KIF26B: variants seen among roughly 807,000 people sequenced by gnomAD.
KIF26B encodes the protein kinesin family member 26B, also known as kinesin-like protein KIF26B.
In KIF26B, 63 loss-of-function variants were observed where a neutral mutation model predicts 151.2. That is an observed-to-expected ratio of 0.42 (90% confidence interval 0.34 to 0.51). The LOEUF is 0.51. Among genes scored for constraint, KIF26B ranks in the 20% least tolerant of loss-of-function variants. KIF26B has a pLI of 0.07. For synonymous variants in KIF26B, 1,357 were observed against 1,262.1 expected (o/e 1.08, Z -1.59); for missense variants, 2,813 against 2,913.6 (o/e 0.97, Z 0.79).
At chr1:245,190,953 G>GGAGGCT (rs914163970) in intron 2 of KIF26B, among the ~76,000 whole-genome samples, 1 of 150,728 alleles carries the variant, frequency 6.6e-6, no homozygotes, top group Non-Finnish European at 1.5e-5. Flanking sequence ...CAGCTACTCG[G>GGAGGCT]GAGGCTGAGG....
intron 5 of KIF26B, among the ~76,000 whole-genome samples, chr1:245,593,955 C>T (rs980770306): frequency 6.6e-6 from 1 of 152,174 alleles, no homozygotes; most frequent in Non-Finnish European, 1.5e-5. Flanking sequence ...TGTTTGTTGG[C>T]CACATAAATG....
chr1:245,513,378 A>G (rs1460698467), intron 4 of KIF26B, among the ~76,000 whole-genome samples: 2 of 152,202 alleles, frequency 1.3e-5, no homozygotes, highest in African/African-American at 4.8e-5. Flanking sequence ...AATTAAAAAA[A>G]AATACTAGAG....
chr1:245,312,891 G>A (rs571626183), intron 2 of KIF26B, among the ~76,000 whole-genome samples: 13 of 152,296 alleles, frequency 8.5e-5, no homozygotes, highest in African/African-American at 2.2e-4. Context: ...GCCGGGCGCC[G>A]TGGCTCAGGA....
At chr1:245,587,639 T>C (rs1246926697) in intron 5 of KIF26B, among the ~76,000 whole-genome samples, 2 of 152,302 alleles carry the variant, frequency 1.3e-5, no homozygotes, top group Non-Finnish European at 2.9e-5. Context: ...TTGAGTGCTT[T>C]GGAAATACAA....
chr1:245,503,736 G>T (rs969240447), intron 4 of KIF26B, among the ~76,000 whole-genome samples: 2 of 152,234 alleles, frequency 1.3e-5, no homozygotes, highest in African/African-American at 2.4e-5. Flanking sequence ...TGGACTTGGA[G>T]CTAGAACTTG....
intron 3 of KIF26B, among the ~76,000 whole-genome samples, chr1:245,400,911 CA>C (rs946188807): frequency 2.0e-5 from 3 of 151,286 alleles, no homozygotes; most frequent in African/African-American, 7.3e-5. Context: ...AAAAAAAGAC[CA>C]AAAAAAACCC....
intron 10 of KIF26B, 68 bp downstream of exon 10, chr1:245,646,348 A>G: frequency 3.3e-6 from 5 of 1,532,162 alleles, no homozygotes; most frequent in Non-Finnish European, 4.4e-6. Context: ...GTTCAGTGCC[A>G]TCTGTGGAGA....
At chr1:245,305,536 C>T (rs747454514) in intron 2 of KIF26B, among the ~76,000 whole-genome samples, 44 of 152,136 alleles carry the variant, frequency 2.9e-4, no homozygotes, top group Non-Finnish European at 6.0e-4. Flanking sequence ...GTCAAAACTA[C>T]AATGAGATAC....
rs376590964 is a variant in KIF26B at position 245,367,013 on chromosome 1, C to T, written c.645C>T (p.Asp215=). ...LEQAAGSEHY[D]ASPCSPPPLS... is the part of the protein sequence containing the mutation. Reference sequence around the variant, plus strand: ...AGGCAGCCGGCAGTGAGCACTACGACGCCTCGCCCTGCTCCCCGCCACCGC... The same window carrying T: ...AGGCAGCCGGCAGTGAGCACTACGATGCCTCGCCCTGCTCCCCGCCACCGC... Residue 215 remains aspartate, a synonymous_variant, in exon 3 of 15, where the codon GAC becomes GAT. Coordinates refer to ENST00000407071, the MANE Select transcript of KIF26B (RefSeq NM_018012.4). The surrounding 1 kb of genome is among the most constrained non-coding windows in gnomAD (Gnocchi z 4.2). 3.8e-5 allele frequency: 61 copies of T among 1,612,562 alleles called. No individual in the cohort carries two copies. Among genetic ancestry groups the T allele is most frequent in the South Asian group, 8.8e-5 (8 of 90,850 alleles).
At chr1:245,177,995 G>A (rs977964340) in intron 2 of KIF26B, among the ~76,000 whole-genome samples, 4 of 152,144 alleles carry the variant, frequency 2.6e-5, no homozygotes, top group Non-Finnish European at 4.4e-5. Flanking sequence ...TCTGAAGATC[G>A]AGAATGAGGC....
At chr1:245,612,103 TGTGAGA>T (rs1256938646) in intron 9 of KIF26B, 127 bp downstream of exon 9, 2,107 of 396,688 alleles carry the variant, frequency 5.3e-3, no homozygotes, top group Middle Eastern at 6.5e-3. Flanking sequence ...TGTGTGTGTG[TGTGAGA>T]GAGAGAGAGA....
chr1:245,222,139 C>T (rs1669786755), intron 2 of KIF26B, among the ~76,000 whole-genome samples: 1 of 152,118 alleles, frequency 6.6e-6, no homozygotes, highest in Admixed American at 6.6e-5. Context: ...GGGAAAGACC[C>T]TCTTAACAAA....
chr1:245,340,494 A>G (rs921458464), intron 2 of KIF26B, among the ~76,000 whole-genome samples: 2 of 152,086 alleles, frequency 1.3e-5, no homozygotes, highest in African/African-American at 4.8e-5. Flanking sequence ...TAACATATAA[A>G]TAGGGCTAGC....
At chr1:245,246,970 GACAC>G (rs953063799) in intron 2 of KIF26B, among the ~76,000 whole-genome samples, 2 of 146,866 alleles carry the variant, frequency 1.4e-5, no homozygotes, top group African/African-American at 2.5e-5. Flanking sequence ...CACAGACACA[GACAC>G]ACACACACAC....
At chr1:245,628,237 A>G (rs2043744604) in intron 9 of KIF26B, among the ~76,000 whole-genome samples, 1 of 150,538 alleles carries the variant, frequency 6.6e-6, no homozygotes, top group Admixed American at 6.8e-5. Context: ...TAACCCCAGC[A>G]CTTAGGGGAG....
In KIF26B at chr1:245,704,191, A is replaced by G. The variant is rs2044811144; in HGVS notation, c.*1585A>G. On this transcript the variant is annotated 3_prime_UTR_variant, in exon 15 of 15. Transcript: ENST00000407071. ...GAGGATGGTACTTAGGCGTGTGCAG[A>G]GCACGCTTCCCTTTTGCCCTCAAAT... 1 of 152,274 alleles carries G rather than the reference A, an allele frequency of 6.6e-6. No homozygotes were observed. The highest frequency in any genetic ancestry group is 2.1e-4 in the South Asian group (1 of 4,836). The allele number at this position is 152,274 out of a possible 1,614,324, so 9.4% of individuals were successfully genotyped here.
chr1:245,588,065 C>A (rs114939552), intron 5 of KIF26B, among the ~76,000 whole-genome samples: 1 of 152,168 alleles, frequency 6.6e-6, no homozygotes. Context: ...ACAGAGGAAA[C>A]GCTCCCCTCA....
In KIF26B at chr1:245,529,219, G is replaced by A. The variant is rs114611259; in HGVS notation, c.1167-11548G>A. On this transcript the variant is annotated intron_variant, in intron 4 of 14. Transcript: ENST00000407071. ...AGGTGAGCCGAGACTGTGGGGCAGC[G>A]GGGTACTGAGCAGCTGCTGTATAAT... is the stretch of plus-strand genomic sequence containing the variant. Among the ~76,000 whole-genome samples, 1,253 of 152,188 alleles carry A rather than the reference G, an allele frequency of 8.2e-3. 18 individuals carry two copies. Among genetic ancestry groups the A allele is most frequent in the African/African-American group, 0.028 (1,177 of 41,502 alleles).
chr1:245,476,291 G>A lies in KIF26B; in HGVS notation c.1166+56546G>A, dbSNP rs1660035536. Among the ~76,000 whole-genome samples the A allele has an allele frequency of 2.0e-5, 3 of 151,814 alleles. 1 individual carries two copies. Among genetic ancestry groups the A allele is most frequent in the Non-Finnish European group, 4.4e-5 (3 of 67,836 alleles). ...GAGGAGTGAGTGTTAAAGGGTGTGAGTGAGGAAGATATTCCGTGTTCCATG... is the reference window on the plus strand; with the variant it reads ...GAGGAGTGAGTGTTAAAGGGTGTGAATGAGGAAGATATTCCGTGTTCCATG... On this transcript the variant is annotated intron_variant, in intron 4 of 14. Coordinates refer to ENST00000407071, the MANE Select transcript of KIF26B (RefSeq NM_018012.4).
Sources: gnomAD v4.1 joint callset for allele counts (sites outside exome capture counted in the v4.1 genomes callset) on GRCh38, gnomAD v4.1.1 for gene constraint, Gnocchi (gnomAD v3.1) non-coding constraint, MANE v1.5 for transcripts, NCBI Gene and HGNC (gene_info 2026-07-23, HGNC 2026-07-21) for gene names.